The following CPT2 variants were observed in gnomAD, a reference collection of about 807,000 sequenced individuals.
The protein encoded by CPT2 is carnitine O-palmitoyltransferase 2, mitochondrial.
In CPT2, 37 loss-of-function variants were observed where a neutral mutation model predicts 48.6. The ratio of observed to expected loss-of-function variants is 0.76; its 90% confidence interval spans 0.59 to 1.00. CPT2 has a LOEUF of 1.00. Among genes scored for constraint, CPT2 ranks in the 50% least tolerant of loss-of-function variants. The pLI, the probability that CPT2 is intolerant of heterozygous loss-of-function variation, is 0.00. For synonymous variants in CPT2, 319 were observed against 326.9 expected, an observed-to-expected ratio of 0.98 and a Z score of 0.26; for missense variants, 772 against 825.6, an observed-to-expected ratio of 0.94 and a Z score of 0.80.
chr1:53,202,483 AG>A, intron 3 of CPT2, 54 bp downstream of exon 3: 8 of 1,383,874 alleles, frequency 5.8e-6, no homozygotes, highest in Non-Finnish European at 7.2e-6. Flanking sequence ...CATAATGAAA[AG>A]TAAGGCATAT....
At chr1:53,206,525 C>T (rs1209785558) in intron 3 of CPT2, among the ~76,000 whole-genome samples, 1 of 152,226 alleles carries the variant, frequency 6.6e-6, no homozygotes. Flanking sequence ...GGCAGGGCTA[C>T]CAAAGGCCTT....
chr1:53,201,613 T>C (rs1429985931), intron 2 of CPT2: 1 of 153,668 alleles, frequency 6.5e-6, no homozygotes, highest in Non-Finnish European at 1.4e-5. Flanking sequence ...CAGCATGGAA[T>C]TGGAAAATAA....
chr1:53,207,424 T>G (rs1203774374), intron 3 of CPT2: 1 of 152,204 alleles, frequency 6.6e-6, no homozygotes, highest in Non-Finnish European at 1.5e-5. Context: ...GGAAGAAGGT[T>G]TGAGATCTCA....
intron 3 of CPT2, among the ~76,000 whole-genome samples, chr1:53,206,711 G>A (rs1021312612): frequency 2.6e-5 from 4 of 152,222 alleles, no homozygotes; most frequent in African/African-American, 9.6e-5. Flanking sequence ...CCCAATGCTT[G>A]TAACACCAGT....
At chr1:53,205,281 G>A (rs967375010) in intron 3 of CPT2, among the ~76,000 whole-genome samples, 1 of 152,214 alleles carries the variant, frequency 6.6e-6, no homozygotes, top group African/African-American at 2.4e-5. Flanking sequence ...CTTTAGCAGA[G>A]AGACTGGTGG....
intron 3 of CPT2, among the ~76,000 whole-genome samples, chr1:53,206,886 G>C (rs1031573575): frequency 7.9e-5 from 12 of 152,298 alleles, no homozygotes; most frequent in Admixed American, 7.2e-4. Context: ...TGAAATGTTA[G>C]AAGTACATGA....
Position 53,211,104 on chromosome 1 carries a change from G to A in CPT2, c.1430G>A (p.Arg477Gln), listed in dbSNP as rs780865183. The change falls in exon 4 of 5, where the codon CGG becomes CAG. Residue 477 changes from arginine (R) to glutamine (Q), a missense_variant. Arg to Gln is a conservative substitution (Grantham distance 43). Transcript: ENST00000371486. The stretch of plus-strand genomic sequence containing the variant: ...CTGGCATTCCAGATGGCCTTCCTGC[G>A]GCAGTACGGGCAGACAGTGGCCACC... The part of the protein sequence containing the change: ...AQLAFQMAFL[R>Q]QYGQTVATYE... The A allele has an allele frequency of 2.4e-5, 39 of 1,613,932 alleles. No homozygotes were observed. The highest frequency in any genetic ancestry group is 5.5e-5 in the South Asian group (5 of 91,040).
At chr1:53,208,270 G>C (rs947364200) in intron 3 of CPT2, 2 of 152,200 alleles carry the variant, frequency 1.3e-5, no homozygotes, top group African/African-American at 4.8e-5. Flanking sequence ...GCCTGGCACA[G>C]CACTGATTCT....
Position 53,210,216 on chromosome 1 carries a change from CAA to C in CPT2, c.546_547del (p.Ser183Ter). 1 of 1,614,032 alleles carries C rather than the reference CAA, an allele frequency of 6.2e-7. No individual in the cohort carries two copies. The highest frequency in any genetic ancestry group is 8.5e-7 in the Non-Finnish European group (1 of 1,179,932). On this transcript the variant is annotated frameshift_variant, in exon 4 of 5. Transcript: ENST00000371486. LOFTEE classifies it high-confidence loss of function. ...CCAGAAGTGTTCCACTTGAACCCTG[CAA>C]AAAGTGACACTATCACCTTCAAGAG...
At position 53,210,008 on chromosome 1, in the gene CPT2, T is replaced by C. The variant is rs1645410951; in HGVS notation, c.341-7T>C. The C allele has an allele frequency of 6.2e-7, 1 of 1,611,356 alleles. No homozygotes were observed. The highest frequency in any genetic ancestry group is 1.3e-5 in the African/African-American group (1 of 74,822). ...TTTTATGTTATTTTTTTCTTTTTAT[T>C]TTTTAGGACCCTGGTTTGATATGTA... On this transcript the variant is annotated splice_region_variant and splice_polypyrimidine_tract_variant and intron_variant, in intron 3 of 4. Coordinates refer to ENST00000371486, the MANE Select transcript of CPT2 (RefSeq NM_000098.3).
chr1:53,205,878 G>C (rs140495536), intron 3 of CPT2, among the ~76,000 whole-genome samples: 3 of 152,318 alleles, frequency 2.0e-5, no homozygotes, highest in African/African-American at 7.2e-5. Flanking sequence ...GAAAACAAGA[G>C]TTGAGGTTTG....
rs144686779 is a variant in CPT2, at chr1:53,210,118, G to A, written c.444G>A (p.Gln148=). The change falls in exon 4 of 5, where the codon CAG becomes CAA. Residue 148 remains glutamine, a synonymous_variant. Coordinates refer to ENST00000371486, the MANE Select transcript of CPT2 (RefSeq NM_000098.3). The part of the protein sequence containing the change: ...NPDPKSEYND[Q]LTRATNMTVS... ...ACCCAAAATCTGAGTATAATGACCA[G>A]CTCACCCGGGCAACCAACATGACTG... 6.2e-7 allele frequency: 1 copy of A among 1,613,998 alleles called. No individual in the cohort carries two copies. Among genetic ancestry groups the A allele is most frequent in the Non-Finnish European group, 8.5e-7 (1 of 1,180,018 alleles).
intron 1 of CPT2, chr1:53,200,302 A>G (rs911359292): frequency 2.2e-5 from 4 of 184,030 alleles, no homozygotes; most frequent in Non-Finnish European, 3.4e-5. Flanking sequence ...AATGCAGAAG[A>G]AAATTTAAAA....
chr1:53,202,277 G>A, intron 2 of CPT2, 46 bp from the exon 3 acceptor site: 2 of 1,477,584 alleles, frequency 1.4e-6, no homozygotes, highest in Admixed American at 1.7e-5. Flanking sequence ...TAAAAATCAT[G>A]TATTCCCTAC....
Position 53,206,231 on chromosome 1 carries a change from G to A in CPT2, c.341-3784G>A, listed in dbSNP as rs1007371489. ...GACAACCTCCTCCTACATTTCAGAG[G>A]CTATATGGAAACACCTGGATGTCCA... On this transcript the variant is annotated intron_variant, in intron 3 of 4. Transcript: ENST00000371486. Among the ~76,000 whole-genome samples, 5 of 151,828 alleles carry A rather than the reference G, an allele frequency of 3.3e-5. No homozygotes were observed. In the South Asian group the frequency reaches 1.0e-3, roughly 32 times the overall value.
At chr1:53,200,600 TC>T in intron 1 of CPT2, 118 bp from the exon 2 acceptor site, 1 of 823,692 alleles carries the variant, frequency 1.2e-6, no homozygotes, top group Non-Finnish European at 2.1e-6. Context: ...GTCAGTCGCT[TC>T]TGATTATTGG....
Position 53,211,025 on chromosome 1 carries a change from G to A in CPT2, c.1351G>A (p.Gly451Arg), listed in dbSNP as rs1295935545. ...TATTGACTGCGTCCAGTTTCAGAGA[G>A]GAGGCAAAGAATTCCTGAAGAAGCA... is the stretch of plus-strand genomic sequence containing the variant. ...LTIDCVQFQR[G>R]GKEFLKKQKL... The change falls in exon 4 of 5, where the codon GGA (glycine) becomes AGA (arginine). Residue 451 changes from glycine to arginine, a missense_variant. Physicochemically the swap from Gly to Arg is moderately radical, Grantham distance 125 (BLOSUM62 -2). Transcript: ENST00000371486. 1 of 1,614,090 alleles carries A rather than the reference G, an allele frequency of 6.2e-7. No homozygotes were observed. The highest frequency in any genetic ancestry group is 2.2e-5 in the East Asian group (1 of 44,896).
At chr1:53,204,637 T>C (rs1013339441) in intron 3 of CPT2, among the ~76,000 whole-genome samples, 1 of 152,144 alleles carries the variant, frequency 6.6e-6, no homozygotes, top group African/African-American at 2.4e-5. Context: ...ATGTGATTGA[T>C]ATGGTTTGGC....
At chr1:53,200,583 C>T (rs1645348256) in intron 1 of CPT2, 136 bp from the exon 2 acceptor site, 1 of 755,440 alleles carries the variant, frequency 1.3e-6, no homozygotes, top group African/African-American at 1.7e-5. Flanking sequence ...CCCATTGATT[C>T]TGATTTGTCA....
Sources: allele counts gnomAD v4.1 joint callset (sites outside exome capture counted in the v4.1 genomes callset), GRCh38; gene constraint gnomAD v4.1.1; transcripts MANE v1.5; gene names NCBI Gene and HGNC (gene_info 2026-07-23, HGNC 2026-07-21).